Variants in NUP54 observed in about 807,000 individuals in gnomAD.
The protein encoded by NUP54 is nucleoporin 54, also known as nucleoporin p54.
A neutral mutation model predicts 66.4 loss-of-function variants in NUP54; 27 were observed. That is an observed-to-expected ratio of 0.41 (90% CI 0.30 to 0.56). The LOEUF is 0.56. Among genes scored for constraint, NUP54 ranks in the 20% least tolerant of loss-of-function variants. The probability of loss-of-function intolerance (pLI) is 0.34; values close to 1 mark genes in which losing one functional copy is unlikely to be tolerated. For synonymous variants in NUP54, 206 were observed against 210.7 expected, an observed-to-expected ratio of 0.98 and a Z score of 0.19; for missense variants, 486 against 596.3, an observed-to-expected ratio of 0.82 and a Z score of 1.93.
At chr4:76,129,808 C>T (rs1307488141) in intron 8 of NUP54, among the ~76,000 whole-genome samples, 1 of 130,888 alleles carries the variant, frequency 7.6e-6, no homozygotes, top group African/African-American at 2.9e-5. Flanking sequence ...GAGCTTGCAG[C>T]GAGCCTAGAT....
At chr4:76,125,207 C>T (rs926569795) in intron 8 of NUP54, among the ~76,000 whole-genome samples, 2 of 145,828 alleles carry the variant, frequency 1.4e-5, no homozygotes, top group East Asian at 2.2e-4. Flanking sequence ...AGGAGAATCA[C>T]TTAAACCTGG....
chr4:76,147,758 G>C (rs1731566645), intron 1 of NUP54: 3 of 754,848 alleles, frequency 4.0e-6, no homozygotes, highest in Non-Finnish European at 5.6e-6. Flanking sequence ...GAACAAACCT[G>C]GTTTTGCTCC....
Position 76,124,750 on chromosome 4 carries a change from A to C in NUP54, c.1063T>G (p.Ser355Ala). The C allele has an allele frequency of 8.5e-7, 1 of 1,179,312 alleles. No individual in the cohort carries two copies. Among genetic ancestry groups the C allele is most frequent in the Non-Finnish European group, 1.2e-6 (1 of 837,348 alleles). The allele number at this position is 1,179,312 out of a possible 1,614,324, so 73.1% of individuals were successfully genotyped here. A position where few individuals can be genotyped will look rare whatever the true frequency, so the allele number is the denominator to read the frequency against. The change falls in exon 9 of 12, where the codon TCT becomes GCT. Residue 355 changes from serine to alanine, a missense_variant. This residue lies in a region of NUP54 where 217 missense variants were observed against 247.9 expected (regional missense o/e 0.88). Transcript: ENST00000264883. ...TTTTGTAGCTCACTAATATCTTCAGATATGATCTGTTTAAAAAAAAATTGG... is the reference window on the plus strand; with the variant it reads ...TTTTGTAGCTCACTAATATCTTCAGCTATGATCTGTTTAAAAAAAAATTGG... ...KQHQTRLDII[S>A]EDISELQKNQ...
At chr4:76,118,865 GT>G (rs1560673721) in intron 9 of NUP54, among the ~76,000 whole-genome samples, 3 of 151,824 alleles carry the variant, frequency 2.0e-5, no homozygotes, top group Non-Finnish European at 4.4e-5. Flanking sequence ...TTAGCCGGAC[GT>G]TGATGGTGCA....
chr4:76,130,248 G>T (rs1421193063), intron 8 of NUP54, among the ~76,000 whole-genome samples: 1 of 151,918 alleles, frequency 6.6e-6, no homozygotes, highest in East Asian at 1.9e-4. Context: ...TCCTAAAAAA[G>T]TCTACTTTAT....
intron 9 of NUP54, chr4:76,118,572 G>GGGGGGC: frequency 3.3e-5 from 3 of 90,788 alleles, no homozygotes; most frequent in Non-Finnish European, 4.6e-5. Flanking sequence ...TTGTGGCGGG[G>GGGGGGC]TGGGGGGGGG....
intron 5 of NUP54, among the ~76,000 whole-genome samples, 168 bp from the exon 6 acceptor site, chr4:76,132,887 GCT>G (rs1358222032): frequency 6.8e-6 from 1 of 146,580 alleles, no homozygotes; most frequent in Non-Finnish European, 1.5e-5. Flanking sequence ...AGCAAGGTTT[GCT>G]CTGTTGCCCA....
intron 9 of NUP54, among the ~76,000 whole-genome samples, chr4:76,120,421 CTTTTTTTTTTTTT>C (rs59098375): frequency 5.9e-5 from 7 of 117,800 alleles, no homozygotes; most frequent in African/African-American, 2.0e-4. Context: ...AAAGGGATCT[CTTTTTTTTTTTTT>C]TTTTTTTTTT....
chr4:76,131,550 C>CA (rs1182073176), intron 6 of NUP54, among the ~76,000 whole-genome samples: 8 of 151,344 alleles, frequency 5.3e-5, no homozygotes, highest in African/African-American at 1.7e-4. Context: ...AAAAGGAAGA[C>CA]AAAAAAATCT....
intron 9 of NUP54, among the ~76,000 whole-genome samples, chr4:76,122,888 T>G (rs1049707747): frequency 1.3e-5 from 2 of 152,242 alleles, no homozygotes; most frequent in Non-Finnish European, 2.9e-5. Context: ...TATTAGTACC[T>G]GAAGTACTAT....
intron 3 of NUP54, among the ~76,000 whole-genome samples, chr4:76,137,944 A>G (rs62300619): frequency 0.13 from 20,027 of 152,228 alleles, 1,546 homozygotes; most frequent in East Asian, 0.35. Flanking sequence ...TTTAAAGAAA[A>G]TTCTTAAATA....
intron 9 of NUP54, among the ~76,000 whole-genome samples, chr4:76,124,189 A>G (rs1244331757): frequency 6.6e-6 from 1 of 151,904 alleles, no homozygotes; most frequent in Non-Finnish European, 1.5e-5. Flanking sequence ...CTGGTATGTA[A>G]TATTTCTGTT....
chr4:76,125,798 A>AGAGG (rs1560679546), intron 8 of NUP54, among the ~76,000 whole-genome samples: 2 of 46,668 alleles, frequency 4.3e-5, no homozygotes, highest in Non-Finnish European at 7.6e-5. Flanking sequence ...AGAGAGGGAG[A>AGAGG]GGGAGAGAGA....
intron 4 of NUP54, among the ~76,000 whole-genome samples, chr4:76,134,857 A>G (rs987775417): frequency 6.6e-6 from 1 of 152,138 alleles, no homozygotes; most frequent in African/African-American, 2.4e-5. Context: ...TATTATTATT[A>G]TAAGATGGAC....
intron 5 of NUP54, among the ~76,000 whole-genome samples, chr4:76,133,138 TCCTCCCACCTTGA>T (rs1730886256): frequency 6.6e-6 from 1 of 151,738 alleles, no homozygotes. Flanking sequence ...TCTCAAGCAA[TCCTCCCACCTTGA>T]CCTCCCAAAG....
chr4:76,129,996 TTTTTTG>T (rs2109880328), intron 8 of NUP54, among the ~76,000 whole-genome samples: 1 of 81,152 alleles, frequency 1.2e-5, no homozygotes, highest in Non-Finnish European at 2.2e-5. Flanking sequence ...TTTTTTTTTT[TTTTTTG>T]AGGAGTCTCA....
chr4:76,147,471 G>A, intron 1 of NUP54: 1 of 1,289,044 alleles, frequency 7.8e-7, no homozygotes, highest in South Asian at 1.2e-5. Context: ...ACAACCCGCA[G>A]TATCTACCTG....
At chr4:76,148,203 G>A in intron 1 of NUP54, 105 bp downstream of exon 1, 1 of 909,110 alleles carries the variant, frequency 1.1e-6, no homozygotes, top group Non-Finnish European at 1.5e-6. Context: ...AAGTCTCCGC[G>A]TCGGCGGGAG....
chr4:76,123,138 G>C (rs755263083), intron 9 of NUP54, among the ~76,000 whole-genome samples: 2 of 152,108 alleles, frequency 1.3e-5, no homozygotes, highest in African/African-American at 4.8e-5. Flanking sequence ...TGGTAATAAC[G>C]GTTATACAAG....
Sources: allele counts gnomAD v4.1 joint callset (sites outside exome capture counted in the v4.1 genomes callset), GRCh38; gene constraint gnomAD v4.1.1; regional missense constraint gnomAD v4.1.1; transcripts MANE v1.5; gene names NCBI Gene and HGNC (gene_info 2026-07-23, HGNC 2026-07-21).